PGA3: variants seen among roughly 807,000 people sequenced by gnomAD.
The protein encoded by PGA3 is pepsinogen A3, also known as pepsin A-3.
In PGA3, 1 loss-of-function variant was observed where a neutral mutation model predicts 15.6. The observed-to-expected ratio is 0.06, with a 90% CI of 0.02 to 0.30. PGA3 has a LOEUF of 0.30. Among genes scored for constraint, PGA3 ranks in the 10% least tolerant of loss-of-function variants. The pLI is 1.00. For synonymous variants in PGA3, 14 were observed against 79.5 expected (o/e 0.18, Z 4.38); for missense variants, 29 against 183.7 (o/e 0.16, Z 4.87).
At position 61,211,545 on chromosome 11, in the gene PGA3, G is replaced by A. The variant is rs574838544; in HGVS notation, c.1017+110G>A. The A allele has an allele frequency of 8.7e-6, 12 of 1,372,916 alleles. No homozygotes were observed. The East Asian group carries it at 1.6e-4, about 18-fold the overall frequency. The allele number at this position is 1,372,916 out of a possible 1,614,324, so 85.0% of individuals were successfully genotyped here. On this transcript the variant is annotated intron_variant, in intron 8 of 8. Transcript: ENST00000325558. ...CCACGAGCTGAAGCCAAGAGGCAGA[G>A]GCAGACGAACATCTGCCCTAGACAG... is the stretch of plus-strand genomic sequence containing the variant.
Sources: allele counts gnomAD v4.1 joint callset, GRCh38; gene constraint gnomAD v4.1.1; transcripts MANE v1.5; gene names NCBI Gene and HGNC (gene_info 2026-07-23, HGNC 2026-07-21).